Variants in RAB3IP observed in about 807,000 individuals in gnomAD.
RAB3IP encodes RAB3A interacting protein, also known as rab-3A-interacting protein.
RAB3IP carries 36 observed loss-of-function variants against 59.1 expected under a neutral mutation model. The observed-to-expected ratio is 0.61, with a 90% CI of 0.47 to 0.80. RAB3IP has a LOEUF of 0.80. RAB3IP is among the 30% of genes least tolerant of loss of function. The probability of loss-of-function intolerance (pLI) is 0.00; values close to 1 mark genes in which losing one functional copy is unlikely to be tolerated. For synonymous variants in RAB3IP, 207 were observed against 191.2 expected, an observed-to-expected ratio of 1.08 and a Z score of -0.68; for missense variants, 511 against 536.0, an observed-to-expected ratio of 0.95 and a Z score of 0.46.
At chr12:69,738,697 A>G (rs1393476695), upstream of RAB3IP, 1 of 152,052 alleles carries the variant, frequency 6.6e-6, no homozygotes, top group African/African-American at 2.4e-5. Context: ...GGGCCGTGAC[A>G]CCTGCGACGA....
chr12:69,807,177 G>T (rs1291338229), intron 8 of RAB3IP, among the ~76,000 whole-genome samples: 1 of 149,510 alleles, frequency 6.7e-6, no homozygotes, highest in Non-Finnish European at 1.5e-5. Flanking sequence ...CCGGGCAGAG[G>T]AGCTCCTCAC....
At chr12:69,786,028 T>G (rs1875586202) in intron 4 of RAB3IP, among the ~76,000 whole-genome samples, 2 of 152,120 alleles carry the variant, frequency 1.3e-5, no homozygotes, top group Non-Finnish European at 2.9e-5. Context: ...TATATATATG[T>G]TTTTTTCCTA....
chr12:69,746,277 T>C lies in RAB3IP; in HGVS notation c.-26+7246T>C, dbSNP rs534220243. Among the ~76,000 whole-genome samples, 12 of 152,300 alleles carry C rather than the reference T, an allele frequency of 7.9e-5. No homozygotes were observed. The East Asian group carries it at 1.9e-3, about 24-fold the overall frequency. ...AGGATAAACTTTAAGCAACATTTTC[T>C]CTTTTAAAGAAGGCTTTTAATGGTC... On this transcript the variant is annotated intron_variant, in intron 1 of 10. Coordinates refer to ENST00000247833, the MANE Select transcript of RAB3IP (RefSeq NM_022456.5).
At chr12:69,768,167 C>T (rs976328610) in intron 3 of RAB3IP, among the ~76,000 whole-genome samples, 1 of 150,184 alleles carries the variant, frequency 6.7e-6, no homozygotes, top group East Asian at 2.0e-4. Context: ...AAGGATGGTG[C>T]CAGCTCAGCC....
intron 8 of RAB3IP, among the ~76,000 whole-genome samples, chr12:69,807,992 A>G (rs896717653): frequency 4.6e-5 from 7 of 152,290 alleles, no homozygotes; most frequent in African/African-American, 1.7e-4. Flanking sequence ...TAGGGTGTCA[A>G]TTTTAGATCT....
In RAB3IP at chr12:69,822,090, G is replaced by C. The variant is rs1392612601; in HGVS notation, c.*6644G>C. The C allele has an allele frequency of 6.6e-6, 1 of 152,100 alleles. No homozygotes were observed. The highest frequency in any genetic ancestry group is 2.4e-5 in the African/African-American group (1 of 41,402). 9.4% of individuals were successfully genotyped at this position (152,100 alleles called of 1,614,324 possible). Reference sequence around the variant, plus strand: ...ATTATAGTGTGATGACTCATTTCCGGTGGTCTCCAGGAGACTTGGCTGGGA... The same window carrying C: ...ATTATAGTGTGATGACTCATTTCCGCTGGTCTCCAGGAGACTTGGCTGGGA... On this transcript the variant is annotated 3_prime_UTR_variant, in exon 11 of 11. Transcript: ENST00000247833.
chr12:69,799,957 A>G (rs529046536), intron 6 of RAB3IP, among the ~76,000 whole-genome samples: 1 of 152,184 alleles, frequency 6.6e-6, no homozygotes, highest in Admixed American at 6.6e-5. Context: ...GAAAAAGGCT[A>G]ATTGGTTATT....
At chr12:69,783,212 G>A (rs1195410492) in intron 3 of RAB3IP, among the ~76,000 whole-genome samples, 1 of 152,166 alleles carries the variant, frequency 6.6e-6, no homozygotes, top group Non-Finnish European at 1.5e-5. Flanking sequence ...ACATTTGAAG[G>A]TCTTTCTCCT....
At chr12:69,758,905 CATT>C (rs1870706079) in intron 3 of RAB3IP, among the ~76,000 whole-genome samples, 1 of 150,856 alleles carries the variant, frequency 6.6e-6, no homozygotes, top group South Asian at 2.1e-4. Flanking sequence ...CGGCATCTAT[CATT>C]GTTGATGAGA....
chr12:69,745,944 T>G (rs1868323610), intron 1 of RAB3IP, among the ~76,000 whole-genome samples: 1 of 151,944 alleles, frequency 6.6e-6, no homozygotes, highest in South Asian at 2.1e-4. Context: ...TTAATCTCTC[T>G]CAGCCTCTTT....
At chr12:69,763,031 G>A (rs1871613233) in intron 3 of RAB3IP, among the ~76,000 whole-genome samples, 1 of 152,194 alleles carries the variant, frequency 6.6e-6, no homozygotes, top group Admixed American at 6.5e-5. Context: ...TATAAGGGAT[G>A]ATAACCAGCC....
Position 69,817,717 on chromosome 12 carries a change from GGAGGATT to G in RAB3IP, c.*2273_*2279del, listed in dbSNP as rs1006766504. 5 of 150,126 alleles carry G rather than the reference GGAGGATT, an allele frequency of 3.3e-5. No homozygotes were observed. The highest frequency in any genetic ancestry group is 1.2e-4 in the African/African-American group (5 of 40,688). The allele number at this position is 150,126 out of a possible 1,614,324, so 9.3% of individuals were successfully genotyped here. Reference sequence around the variant, plus strand: ...TCCATGAACTTGGGAGGATGAGGTGGGAGGATTGCTTGAGCCCAGGGGTTCAAGTCCA... The same window carrying G: ...TCCATGAACTTGGGAGGATGAGGTGGGCTTGAGCCCAGGGGTTCAAGTCCA... On this transcript the variant is annotated 3_prime_UTR_variant, in exon 11 of 11. Coordinates refer to ENST00000247833, the MANE Select transcript of RAB3IP (RefSeq NM_022456.5).
At chr12:69,789,035 G>T (rs1469929179) in intron 4 of RAB3IP, among the ~76,000 whole-genome samples, 1 of 151,932 alleles carries the variant, frequency 6.6e-6, no homozygotes, top group Non-Finnish European at 1.5e-5. Flanking sequence ...CTTAAGAGAT[G>T]CAGAAAAAGC....
In RAB3IP at chr12:69,812,833, G is replaced by A; in HGVS notation, c.1186G>A (p.Asp396Asn). 6.2e-7 allele frequency: 1 copy of A among 1,613,184 alleles called. No homozygotes were observed. Among genetic ancestry groups the A allele is most frequent in the Non-Finnish European group, 8.5e-7 (1 of 1,179,212 alleles). Residue 396 changes from aspartate to asparagine, a missense_variant, in exon 9 of 11, where the codon GAC becomes AAC. By Grantham distance (23) the Asp-to-Asn change is conservative. Transcript: ENST00000247833. Reference sequence around the variant, plus strand: ...CTGTAAACACAGAATTAAATTAGGGGACTCAAGCAACTATTATTATATTTC... The same window carrying A: ...CTGTAAACACAGAATTAAATTAGGGAACTCAAGCAACTATTATTATATTTC... ...KSCKHRIKLG[D>N]SSNYYYISPF...
chr12:69,763,630 T>C (rs1014572565), intron 3 of RAB3IP, among the ~76,000 whole-genome samples: 2 of 152,202 alleles, frequency 1.3e-5, no homozygotes, highest in African/African-American at 4.8e-5. Context: ...ACTTTTATTT[T>C]AAATTTAGGG....
rs1881533530 is a variant in RAB3IP, at chr12:69,820,041, G to A, written c.*4595G>A. The A allele has an allele frequency of 6.6e-6, 1 of 152,190 alleles. No homozygotes were observed. The highest frequency in any genetic ancestry group is 1.5e-5 in the Non-Finnish European group (1 of 68,026). The allele number at this position is 152,190 out of a possible 1,614,324, so 9.4% of individuals were successfully genotyped here. Reference sequence around the variant, plus strand: ...CACCACAAGAATCCTGTGTGTTTTTGTTTTGTGCATCCAGTCTAAAACGGG... The same window carrying A: ...CACCACAAGAATCCTGTGTGTTTTTATTTTGTGCATCCAGTCTAAAACGGG... On this transcript the variant is annotated 3_prime_UTR_variant, in exon 11 of 11. Coordinates refer to ENST00000247833, the MANE Select transcript of RAB3IP (RefSeq NM_022456.5).
At position 69,818,615 on chromosome 12, in the gene RAB3IP, T is replaced by G. The variant is rs1376563676; in HGVS notation, c.*3169T>G. On this transcript the variant is annotated 3_prime_UTR_variant, in exon 11 of 11. Coordinates refer to ENST00000247833, the MANE Select transcript of RAB3IP (RefSeq NM_022456.5). ...AATGTGTTCACAGAATGGGTGATTA[T>G]TACATGGCAGCAAAATGAATGAATA... is the stretch of plus-strand genomic sequence containing the variant. 2 of 152,184 alleles carry G rather than the reference T, an allele frequency of 1.3e-5. No individual in the cohort carries two copies. The highest frequency in any genetic ancestry group is 2.9e-5 in the Non-Finnish European group (2 of 68,028). The allele number at this position is 152,184 out of a possible 1,614,324, so 9.4% of individuals were successfully genotyped here. A position where few individuals can be genotyped will look rare whatever the true frequency, so the allele number is the denominator to read the frequency against.
chr12:69,764,043 T>C (rs558933731), intron 3 of RAB3IP, among the ~76,000 whole-genome samples: 71 of 152,358 alleles, frequency 4.7e-4, no homozygotes, highest in African/African-American at 1.7e-3. Flanking sequence ...ATGTCTTTGC[T>C]ATTGTGCATA....
At chr12:69,809,591 G>T (rs1401535418) in intron 8 of RAB3IP, among the ~76,000 whole-genome samples, 1 of 152,146 alleles carries the variant, frequency 6.6e-6, no homozygotes, top group Admixed American at 6.5e-5. Flanking sequence ...TGCAGGCTTT[G>T]TTCATTTCTT....
Sources: allele counts gnomAD v4.1 joint callset (sites outside exome capture counted in the v4.1 genomes callset), GRCh38; gene constraint gnomAD v4.1.1; transcripts MANE v1.5; gene names NCBI Gene and HGNC (gene_info 2026-07-23, HGNC 2026-07-21).